The following TENM2 variants were observed in gnomAD, a reference collection of about 807,000 sequenced individuals.
The protein encoded by TENM2 is teneurin-2.
TENM2 carries 52 observed loss-of-function variants against 245.2 expected under a neutral mutation model. That is an observed-to-expected ratio of 0.21 (90% CI 0.17 to 0.27). The LOEUF (loss-of-function observed/expected upper bound fraction) is 0.27. Among genes scored for constraint, TENM2 ranks in the 10% least tolerant of loss-of-function variants. The pLI, the probability that TENM2 is intolerant of heterozygous loss-of-function variation, is 1.00. For missense variants in TENM2, 3,046 were observed against 3,666.8 expected (o/e 0.83, Z 4.37); for synonymous variants, 1,363 against 1,438.9 (o/e 0.95, Z 1.19).
At chr5:166,996,082 G>A in the TENM2 span, among the ~76,000 whole-genome samples, 1 of 152,058 alleles carries the variant, frequency 6.6e-6, no homozygotes, top group African/African-American at 2.4e-5. Flanking sequence ...AGTGACTCAC[G>A]TCTGTAATCC....
chr5:167,032,407 T>C, the TENM2 span, among the ~76,000 whole-genome samples: 1 of 152,170 alleles, frequency 6.6e-6, no homozygotes, highest in Non-Finnish European at 1.5e-5. Flanking sequence ...TTTTGATCAC[T>C]GGTAGGAGGG....
At chr5:167,032,255 C>T in the TENM2 span, among the ~76,000 whole-genome samples, 1 of 152,258 alleles carries the variant, frequency 6.6e-6, no homozygotes, top group South Asian at 2.1e-4. Flanking sequence ...GCAAATAAGC[C>T]ACAACAGAGA....
intron 2 of TENM2, among the ~76,000 whole-genome samples, chr5:167,466,808 C>T (rs1262092529): frequency 2.0e-5 from 3 of 152,040 alleles, no homozygotes; most frequent in African/African-American, 7.2e-5. Context: ...AGTTTGTAAA[C>T]TGTTACTAAT....
At position 167,618,995 on chromosome 5, in the gene TENM2, C is replaced by T. The variant is rs368441412; in HGVS notation, c.502+243522C>T. Reference sequence around the variant, plus strand: ...AGAAAGACAATTGGGGTGGTTGTCACTGAGGCAAACTGGGGAGTGTATATT... The same window carrying T: ...AGAAAGACAATTGGGGTGGTTGTCATTGAGGCAAACTGGGGAGTGTATATT... On this transcript the variant is annotated intron_variant, in intron 2 of 28. Transcript: ENST00000518659. 1.6e-3 allele frequency among the ~76,000 whole-genome samples: 251 copies of T among 152,128 alleles called. 12 individuals are homozygous for T. In the South Asian group the frequency reaches 0.05, roughly 31 times the overall value.
At chr5:167,886,904 G>A (rs891991690) in intron 3 of TENM2, among the ~76,000 whole-genome samples, 1 of 152,198 alleles carries the variant, frequency 6.6e-6, no homozygotes, top group Non-Finnish European at 1.5e-5. Flanking sequence ...CAGTAGTTAG[G>A]CATTGGAGCA....
At chr5:167,921,880 A>G (rs1358763674) in intron 3 of TENM2, among the ~76,000 whole-genome samples, 3 of 152,184 alleles carry the variant, frequency 2.0e-5, no homozygotes, top group Non-Finnish European at 4.4e-5. Context: ...TTACAAATAC[A>G]AAGATGAAGG....
At position 167,798,982 on chromosome 5, in the gene TENM2, T is replaced by C. The variant is rs145167344; in HGVS notation, c.503-77004T>C. Among the ~76,000 whole-genome samples, 108 of 152,298 alleles carry C rather than the reference T, an allele frequency of 7.1e-4. 1 individual carries two copies. In the Middle Eastern group the frequency reaches 0.01, roughly 14 times the overall value. On this transcript the variant is annotated intron_variant, in intron 2 of 28. Transcript: ENST00000518659. ...TGCACTGCCGTCCATGAACACCTAATCAGGAGGCTTTGATGGGGTTAGGAA... is the reference window on the plus strand; with the variant it reads ...TGCACTGCCGTCCATGAACACCTAACCAGGAGGCTTTGATGGGGTTAGGAA...
intron 27 of TENM2, among the ~76,000 whole-genome samples, chr5:168,249,760 A>C (rs1581765929): frequency 6.6e-6 from 1 of 152,208 alleles, no homozygotes; most frequent in East Asian, 1.9e-4. Context: ...CCAGGGGCCT[A>C]AGTAGGGAGA....
intron 7 of TENM2, among the ~76,000 whole-genome samples, chr5:168,075,993 A>G (rs1217758888): frequency 1.3e-5 from 2 of 152,166 alleles, no homozygotes; most frequent in Non-Finnish European, 2.9e-5. Flanking sequence ...CTCCCACGAC[A>G]CATGGGAATT....
chr5:167,465,832 A>AAAAG (rs1554160713), intron 2 of TENM2, among the ~76,000 whole-genome samples: 18 of 151,668 alleles, frequency 1.2e-4, no homozygotes, highest in Middle Eastern at 3.4e-3. Flanking sequence ...CTGTCTCAAA[A>AAAAG]AAAGAAAGAA....
chr5:167,617,058 C>T (rs929665424), intron 2 of TENM2, among the ~76,000 whole-genome samples: 1 of 152,096 alleles, frequency 6.6e-6, no homozygotes, highest in African/African-American at 2.4e-5. Context: ...GCTCAGAACT[C>T]CAGTTGGAGC....
At chr5:167,692,131 A>C (rs1757473677) in intron 2 of TENM2, among the ~76,000 whole-genome samples, 1 of 151,968 alleles carries the variant, frequency 6.6e-6, no homozygotes, top group South Asian at 2.1e-4. Context: ...GCCTATGTCT[A>C]CTTGCTTAGT....
rs191151649 is a variant in TENM2, at chr5:167,371,109, A to G, written c.227-4089A>G. On this transcript the variant is annotated intron_variant, in intron 1 of 28. Coordinates refer to ENST00000518659, the Ensembl canonical transcript of TENM2. Reference sequence around the variant, plus strand: ...GAAAACAATGGTTGGAAATCAATCCATATAGAAGAATATTTGGGAAAACTG... The same window carrying G: ...GAAAACAATGGTTGGAAATCAATCCGTATAGAAGAATATTTGGGAAAACTG... 2.0e-5 allele frequency among the ~76,000 whole-genome samples: 3 copies of G among 152,326 alleles called. No individual in the cohort carries two copies. The East Asian group carries it at 5.8e-4, about 29-fold the overall frequency.
At chr5:167,187,397 C>T in the TENM2 span, among the ~76,000 whole-genome samples, 1 of 152,278 alleles carries the variant, frequency 6.6e-6, no homozygotes, top group African/African-American at 2.4e-5. Context: ...TTAGGAGCAG[C>T]AATGACAGGT....
At chr5:167,440,448 A>G (rs367980911) in intron 2 of TENM2, among the ~76,000 whole-genome samples, 1 of 152,222 alleles carries the variant, frequency 6.6e-6, no homozygotes, top group East Asian at 1.9e-4. Flanking sequence ...GCTTGGAAAC[A>G]AAATGTGTCA....
intron 4 of TENM2, among the ~76,000 whole-genome samples, chr5:167,981,510 C>A (rs1174950370): frequency 1.3e-5 from 2 of 152,118 alleles, no homozygotes; most frequent in African/African-American, 4.8e-5. Context: ...TGGACAAAAA[C>A]CAAAACCCTC....
chr5:167,703,530 C>CAAAAAAAAAAAAAAAAAAAAA (rs747603141), intron 2 of TENM2, among the ~76,000 whole-genome samples: 1 of 97,170 alleles, frequency 1.0e-5, no homozygotes, highest in African/African-American at 3.2e-5. Flanking sequence ...GAAACCATCT[C>CAAAAAAAAAAAAAAAAAAAAA]AAAAAAAAAA....
At chr5:168,036,634 CAA>C (rs201087090) in intron 5 of TENM2, among the ~76,000 whole-genome samples, 690 of 60,542 alleles carry the variant, frequency 0.011, 13 homozygotes, top group African/African-American at 0.049. Context: ...GAAACTCCAT[CAA>C]AAAAAAAATA....
At chr5:167,172,096 T>C in the TENM2 span, among the ~76,000 whole-genome samples, 1 of 152,086 alleles carries the variant, frequency 6.6e-6, no homozygotes, top group African/African-American at 2.4e-5. Context: ...TCGTGTCTTC[T>C]CCAAACAGCA....
Sources: allele counts gnomAD v4.1 joint callset (sites outside exome capture counted in the v4.1 genomes callset), GRCh38; gene constraint gnomAD v4.1.1; transcripts MANE v1.5; gene names NCBI Gene and HGNC (gene_info 2026-07-23, HGNC 2026-07-21).